Variants in ARHGAP26 observed in about 807,000 individuals in gnomAD.
ARHGAP26 encodes Rho GTPase activating protein 26.
Under a neutral mutation model 104.8 loss-of-function variants are expected in ARHGAP26, and 38 were observed. The ratio of observed to expected loss-of-function variants is 0.36; its 90% CI spans 0.28 to 0.48. The LOEUF is 0.48. Among genes scored for constraint, ARHGAP26 ranks in the 20% least tolerant of loss-of-function variants. The pLI, the probability that ARHGAP26 is intolerant of heterozygous loss-of-function variation, is 0.99. For missense variants in ARHGAP26, 704 were observed against 947.9 expected, an observed-to-expected ratio of 0.74 and a Z score of 3.38; for synonymous variants, 341 against 340.0, an observed-to-expected ratio of 1.00 and a Z score of -0.03.
chr5:143,167,455 C>CCTGCATGA (rs901788323), intron 20 of ARHGAP26, among the ~76,000 whole-genome samples: 1 of 127,460 alleles, frequency 7.8e-6, no homozygotes, highest in Non-Finnish European at 1.6e-5. Context: ...TGCACTCCAG[C>CCTGCATGA]CTGCATGACA....
At chr5:143,204,618 G>A (rs911140005) in intron 20 of ARHGAP26, among the ~76,000 whole-genome samples, 3 of 152,214 alleles carry the variant, frequency 2.0e-5, no homozygotes, top group Non-Finnish European at 4.4e-5. Flanking sequence ...CATTCCAGCC[G>A]CACCCCCAGA....
At chr5:143,108,635 G>A (rs1489053895) in intron 17 of ARHGAP26, among the ~76,000 whole-genome samples, 3 of 152,110 alleles carry the variant, frequency 2.0e-5, no homozygotes, top group Non-Finnish European at 4.4e-5. Context: ...TGGGGTGAAA[G>A]TACATTCCAT....
intron 20 of ARHGAP26, among the ~76,000 whole-genome samples, chr5:143,197,172 C>T (rs1321331014): frequency 1.3e-5 from 2 of 152,106 alleles, no homozygotes; most frequent in South Asian, 2.1e-4. Flanking sequence ...ATTTGCTCTA[C>T]ACATTCTAAT....
At chr5:142,791,410 G>A (rs952115708) in intron 1 of ARHGAP26, among the ~76,000 whole-genome samples, 3 of 152,114 alleles carry the variant, frequency 2.0e-5, no homozygotes, top group Non-Finnish European at 4.4e-5. Flanking sequence ...CTTTTATCAG[G>A]TAGGGGAAAG....
At chr5:143,147,204 A>G (rs778253006) in intron 19 of ARHGAP26, 27 bp from the exon 20 acceptor site, 2 of 1,610,116 alleles carry the variant, frequency 1.2e-6, no homozygotes, top group Non-Finnish European at 1.7e-6. Flanking sequence ...TAATATTAAT[A>G]TGGGACTTGT....
At position 142,963,163 on chromosome 5, in the gene ARHGAP26, G is replaced by GATATATATATATATATAT. The variant is rs1562163912; in HGVS notation, c.1107+31038_1107+31039insATATATATATATATATAT. Among the ~76,000 whole-genome samples, 27 of 112,194 alleles carry GATATATATATATATATAT rather than the reference G, an allele frequency of 2.4e-4. 2 individuals carry two copies. Among genetic ancestry groups the GATATATATATATATATAT allele is most frequent in the African/African-American group, 6.1e-4 (14 of 23,020 alleles). The allele number at this position is 112,194 out of a possible 152,430, so 73.6% of individuals were successfully genotyped here. On this transcript the variant is annotated intron_variant, in intron 11 of 22. Coordinates refer to ENST00000645722, the MANE Select transcript of ARHGAP26 (RefSeq NM_001135608.3). ...TTTTTATGGCTGTGTAGTATTCCATGGTATATATGTATATATATATATATA... is the reference window on the plus strand; with the variant it reads ...TTTTTATGGCTGTGTAGTATTCCATGATATATATATATATATATGTATATATGTATATATATATATATA...
At chr5:142,941,246 C>T (rs899107469) in intron 11 of ARHGAP26, among the ~76,000 whole-genome samples, 6 of 151,990 alleles carry the variant, frequency 3.9e-5, no homozygotes, top group African/African-American at 1.2e-4. Flanking sequence ...ATTGTGTTCT[C>T]TTTTCTCCAC....
intron 1 of ARHGAP26, among the ~76,000 whole-genome samples, chr5:142,784,038 C>T (rs1305220525): frequency 6.6e-6 from 1 of 152,186 alleles, no homozygotes; most frequent in African/African-American, 2.4e-5. Flanking sequence ...TCCAGATGCT[C>T]CTGCTGCATC....
chr5:143,130,739 C>T (rs1427970609), intron 18 of ARHGAP26, among the ~76,000 whole-genome samples: 2 of 152,170 alleles, frequency 1.3e-5, no homozygotes, highest in Non-Finnish European at 2.9e-5. Context: ...AGTCAGCAGG[C>T]TTTAAACAAT....
intron 13 of ARHGAP26, among the ~76,000 whole-genome samples, chr5:143,038,677 A>C (rs1468969477): frequency 1.5e-5 from 2 of 136,530 alleles, no homozygotes; most frequent in African/African-American, 5.4e-5. Flanking sequence ...ATTTTTTGAC[A>C]TACGGCCTTT....
At chr5:143,027,236 A>G (rs983820473) in intron 12 of ARHGAP26, among the ~76,000 whole-genome samples, 1 of 151,468 alleles carries the variant, frequency 6.6e-6, no homozygotes, top group Non-Finnish European at 1.5e-5. Context: ...CAGTGGTACA[A>G]TCTTGGCTCA....
At chr5:143,060,858 C>A (rs1382643987) in intron 17 of ARHGAP26, among the ~76,000 whole-genome samples, 1 of 151,916 alleles carries the variant, frequency 6.6e-6, no homozygotes, top group Non-Finnish European at 1.5e-5. Context: ...CAAGGATTTT[C>A]TAGGACAGAG....
At chr5:143,193,886 T>G (rs1230494874) in intron 20 of ARHGAP26, 1 of 152,228 alleles carries the variant, frequency 6.6e-6, no homozygotes, top group Non-Finnish European at 1.5e-5. Context: ...AGTATATACA[T>G]AGTTTGGTAC....
At chr5:142,782,255 C>G (rs531624584) in intron 1 of ARHGAP26, among the ~76,000 whole-genome samples, 1 of 152,228 alleles carries the variant, frequency 6.6e-6, no homozygotes, top group South Asian at 2.1e-4. Context: ...GGTGGAGACA[C>G]CCACAAGGCT....
intron 17 of ARHGAP26, among the ~76,000 whole-genome samples, chr5:143,093,391 G>T (rs1442697599): frequency 6.6e-6 from 1 of 152,156 alleles, no homozygotes; most frequent in African/African-American, 2.4e-5. Flanking sequence ...GGTGGTATTG[G>T]AGTGTTATAG....
intron 1 of ARHGAP26, among the ~76,000 whole-genome samples, chr5:142,772,074 T>C (rs533922737): frequency 1.3e-5 from 2 of 152,366 alleles, no homozygotes; most frequent in South Asian, 4.1e-4. Context: ...CTAAGAAATC[T>C]TGCCTTAGCA....
chr5:143,029,486 C>A (rs1443232747), intron 12 of ARHGAP26, among the ~76,000 whole-genome samples: 1 of 141,220 alleles, frequency 7.1e-6, no homozygotes, highest in East Asian at 2.4e-4. Flanking sequence ...CCCATTGTAA[C>A]CTCAACCTCG....
intron 1 of ARHGAP26, among the ~76,000 whole-genome samples, chr5:142,845,071 C>T (rs923865228): frequency 3.3e-5 from 5 of 152,086 alleles, no homozygotes; most frequent in Non-Finnish European, 5.9e-5. Flanking sequence ...TGTGTTGCTG[C>T]CCAGAACAAG....
chr5:143,062,621 G>C (rs890046456), intron 17 of ARHGAP26, among the ~76,000 whole-genome samples: 1 of 148,508 alleles, frequency 6.7e-6, no homozygotes, highest in South Asian at 2.1e-4. Flanking sequence ...TAATGATCTA[G>C]AAACAGTGAA....
Sources: allele counts gnomAD v4.1 joint callset (sites outside exome capture counted in the v4.1 genomes callset), GRCh38; gene constraint gnomAD v4.1.1; transcripts MANE v1.5; gene names NCBI Gene and HGNC (gene_info 2026-07-23, HGNC 2026-07-21).